Variants in FYB1 observed in about 807,000 individuals in gnomAD.
FYB1 encodes FYN-binding protein 1.
A neutral mutation model predicts 94.1 loss-of-function variants in FYB1; 41 were observed. That is an observed-to-expected ratio of 0.44 (90% CI 0.34 to 0.57). FYB1 has a LOEUF of 0.57. Ranked by LOEUF, FYB1 falls within the 20% of genes least tolerant of loss-of-function variation. The pLI is 0.02. For missense variants in FYB1, 1,050 were observed against 976.8 expected, an observed-to-expected ratio of 1.07 and a Z score of -1.00; for synonymous variants, 367 against 353.2, an observed-to-expected ratio of 1.04 and a Z score of -0.44.
At chr5:39,244,322 AC>A (rs1751365051) in intron 1 of FYB1, among the ~76,000 whole-genome samples, 1 of 152,092 alleles carries the variant, frequency 6.6e-6, no homozygotes, top group African/African-American at 2.4e-5. Context: ...TCCCATCAAT[AC>A]CTTATTTATA....
chr5:39,144,473 T>TA (rs944135247), intron 3 of FYB1, among the ~76,000 whole-genome samples: 4 of 151,876 alleles, frequency 2.6e-5, no homozygotes, highest in African/African-American at 9.7e-5. Context: ...TGCAAAGAAT[T>TA]AAAAAAAGAC....
rs1241509309 is a variant in FYB1, at chr5:39,138,682, T to C, written c.1369A>G (p.Ser457Gly). 6.6e-7 allele frequency: 1 copy of C among 1,523,452 alleles called. No homozygotes were observed. Among genetic ancestry groups the C allele is most frequent in the South Asian group, 1.2e-5 (1 of 85,766 alleles). 94.4% of individuals were successfully genotyped at this position (1,523,452 alleles called of 1,614,324 possible). A position where few individuals can be genotyped will look rare whatever the true frequency, so the allele number is the denominator to read the frequency against. The change falls in exon 6 of 19, where the codon AGT (serine) becomes GGT (glycine). Residue 457 changes from serine to glycine, a missense_variant. Transcript: ENST00000512982. ...GAGNLDEEQDSEGETYEDIEA... is the reference protein window; with the variant it reads ...GAGNLDEEQDGEGETYEDIEA... Reference sequence around the variant, plus strand: ...ATGTCTTCATATGTTTCTCCTTCACTGTCTTGTTCCTGTAAAGAAAAACAT... The same window carrying C: ...ATGTCTTCATATGTTTCTCCTTCACCGTCTTGTTCCTGTAAAGAAAAACAT...
intron 3 of FYB1, among the ~76,000 whole-genome samples, chr5:39,151,549 C>T (rs34762855): frequency 0.18 from 27,858 of 152,162 alleles, 2,849 homozygotes; most frequent in Non-Finnish European, 0.23. Context: ...CTCTGTCTTT[C>T]GAAGTGTTGG....
chr5:39,168,113 C>A lies in FYB1; in HGVS notation c.1136-14509G>T, dbSNP rs189425498. On this transcript the variant is annotated intron_variant, in intron 2 of 18. Transcript: ENST00000512982. ...TTCTTACGGTGCTAATAAACCTTTG[C>A]AATTGGTAGCATGTGTTTAACTGCT... is the stretch of plus-strand genomic sequence containing the variant. Among the ~76,000 whole-genome samples, 32 of 152,264 alleles carry A rather than the reference C, an allele frequency of 2.1e-4. No individual in the cohort carries two copies. The East Asian group carries it at 5.8e-3, about 28-fold the overall frequency.
At chr5:39,167,069 C>T (rs982453449) in intron 2 of FYB1, among the ~76,000 whole-genome samples, 2 of 152,020 alleles carry the variant, frequency 1.3e-5, no homozygotes, top group African/African-American at 2.4e-5. Context: ...AAGGTAATTG[C>T]GGTTTTTGCC....
intron 1 of FYB1, among the ~76,000 whole-genome samples, chr5:39,266,608 G>A (rs1441926741): frequency 6.6e-6 from 1 of 152,162 alleles, no homozygotes; most frequent in Non-Finnish European, 1.5e-5. Context: ...GACAGTTCAG[G>A]AAGTGGGGGA....
intron 3 of FYB1, among the ~76,000 whole-genome samples, chr5:39,142,414 C>T (rs1357018269): frequency 6.6e-6 from 1 of 152,112 alleles, no homozygotes; most frequent in Non-Finnish European, 1.5e-5. Context: ...TATACTCATC[C>T]TTACCTTCTC....
At chr5:39,126,920 T>A (rs1340756050) in intron 11 of FYB1, among the ~76,000 whole-genome samples, 3 of 151,114 alleles carry the variant, frequency 2.0e-5, no homozygotes, top group South Asian at 4.2e-4. Flanking sequence ...AACCCAGGCA[T>A]GATGGCACAT....
At chr5:39,183,091 C>T (rs546872759) in intron 2 of FYB1, among the ~76,000 whole-genome samples, 2 of 152,198 alleles carry the variant, frequency 1.3e-5, no homozygotes, top group South Asian at 2.1e-4. Flanking sequence ...GGCGTGATCT[C>T]GGCTCATCGT....
Position 39,202,893 on chromosome 5 carries a change from A to T in FYB1, c.68T>A (p.Val23Asp). ...TCCTGAAGATGAGTTTGGCCCTGTG[A>T]CTCTGAAGGGTCGGCTATTGACTGA... is the stretch of plus-strand genomic sequence containing the variant. ...DVSVNSRPFR[V>D]TGPNSSSGIQ... is the part of the protein sequence containing the mutation. The change falls in exon 2 of 19, where the codon GTC becomes GAC. Residue 23 changes from valine to aspartate, a missense_variant. Val to Asp is a radical substitution (Grantham distance 152). Coordinates refer to ENST00000512982, the MANE Select transcript of FYB1 (RefSeq NM_001465.6). 1 of 1,613,436 alleles carries T rather than the reference A, an allele frequency of 6.2e-7. No homozygotes were observed. The highest frequency in any genetic ancestry group is 8.5e-7 in the Non-Finnish European group (1 of 1,179,720).
chr5:39,260,831 G>T (rs192322691), intron 1 of FYB1, among the ~76,000 whole-genome samples: 14 of 152,008 alleles, frequency 9.2e-5, no homozygotes, highest in African/African-American at 2.4e-4. Context: ...AATGCGTGGG[G>T]ATTATACATC....
intron 1 of FYB1, among the ~76,000 whole-genome samples, chr5:39,233,763 A>T (rs1192967457): frequency 1.3e-5 from 2 of 152,152 alleles, no homozygotes; most frequent in Non-Finnish European, 2.9e-5. Context: ...AAGTATATAA[A>T]GATATGGCCT....
intron 7 of FYB1, among the ~76,000 whole-genome samples, chr5:39,135,665 TGAC>T (rs1488412396): frequency 6.6e-6 from 1 of 152,236 alleles, no homozygotes. Flanking sequence ...CAAATATGCA[TGAC>T]GACTTTTGAA....
At chr5:39,208,687 T>C (rs2150516867) in intron 1 of FYB1, among the ~76,000 whole-genome samples, 1 of 152,190 alleles carries the variant, frequency 6.6e-6, no homozygotes, top group South Asian at 2.1e-4. Flanking sequence ...TGCCTAAGGC[T>C]TCGGAGATTG....
At chr5:39,124,200 C>G in intron 13 of FYB1, 53 bp downstream of exon 13, 1 of 1,269,160 alleles carries the variant, frequency 7.9e-7, no homozygotes, top group Non-Finnish European at 1.1e-6. Context: ...TTTCCCACTA[C>G]CACACTGCAA....
chr5:39,153,460 G>A lies in FYB1; in HGVS notation c.1280C>T (p.Pro427Leu), dbSNP rs199876614. The stretch of plus-strand genomic sequence containing the variant: ...ATCTTTTGCTTACTTTAGGTCAAAC[G>A]GAGGTTTAATGTTTCTGGGAGGTAG... ...PSLPPRNIKP[P>L]FDLKSPVNED... The change falls in exon 3 of 19, where the codon CCG becomes CTG. Residue 427 changes from proline to leucine, a missense_variant. Transcript: ENST00000512982. The A allele has an allele frequency of 2.6e-3, 4,193 of 1,613,798 alleles. 9 individuals are homozygous for A. The highest frequency in any genetic ancestry group is 3.3e-3 in the Non-Finnish European group (3,874 of 1,179,802).
chr5:39,197,938 C>T (rs1206447631), intron 2 of FYB1, among the ~76,000 whole-genome samples: 2 of 152,068 alleles, frequency 1.3e-5, no homozygotes, highest in African/African-American at 4.8e-5. Context: ...TTCTATATTA[C>T]AAACAGAAGT....
intron 9 of FYB1, among the ~76,000 whole-genome samples, chr5:39,131,025 C>T (rs1741158117): frequency 6.6e-6 from 1 of 152,000 alleles, no homozygotes; most frequent in Non-Finnish European, 1.5e-5. Context: ...CTTTCAATAT[C>T]TTTTGACCAC....
chr5:39,144,870 T>C (rs2150340519), intron 3 of FYB1, among the ~76,000 whole-genome samples: 1 of 152,316 alleles, frequency 6.6e-6, no homozygotes, highest in Non-Finnish European at 1.5e-5. Flanking sequence ...ATACTTTGGA[T>C]TCTTATTCAA....
Sources: gnomAD v4.1 joint callset for allele counts (sites outside exome capture counted in the v4.1 genomes callset) on GRCh38, gnomAD v4.1.1 for gene constraint, MANE v1.5 for transcripts, NCBI Gene and HGNC (gene_info 2026-07-23, HGNC 2026-07-21) for gene names.